The following ADAM10 variants were observed in gnomAD, a reference collection of about 807,000 sequenced individuals.
ADAM10 encodes the protein disintegrin and metalloproteinase domain-containing protein 10.
Under a neutral mutation model 90.1 loss-of-function variants are expected in ADAM10, and 17 were observed. That is an observed-to-expected ratio of 0.19 (90% CI 0.13 to 0.28). ADAM10 has a LOEUF of 0.28. ADAM10 is among the 10% of genes least tolerant of loss of function. The probability of loss-of-function intolerance (pLI) is 1.00; values close to 1 mark genes in which losing one functional copy is unlikely to be tolerated. For synonymous variants in ADAM10, 310 were observed against 298.6 expected (o/e 1.04, Z -0.40); for missense variants, 610 against 914.3 (o/e 0.67, Z 4.29).
At chr15:58,728,229 T>A (rs1342396199) in intron 1 of ADAM10, among the ~76,000 whole-genome samples, 1 of 152,170 alleles carries the variant, frequency 6.6e-6, no homozygotes, top group Non-Finnish European at 1.5e-5. Flanking sequence ...AAGTAGTTCA[T>A]GGGTCAAAGA....
At chr15:58,734,276 T>A (rs1359834321) in intron 1 of ADAM10, among the ~76,000 whole-genome samples, 1 of 152,170 alleles carries the variant, frequency 6.6e-6, no homozygotes, top group African/African-American at 2.4e-5. Flanking sequence ...GCTCTACATT[T>A]TTTTCATTTA....
intron 1 of ADAM10, among the ~76,000 whole-genome samples, chr15:58,738,135 A>T (rs1321102283): frequency 1.1e-4 from 17 of 152,232 alleles, no homozygotes; most frequent in African/African-American, 2.9e-4. Context: ...CTTGTTTTCA[A>T]CAGACTTTTC....
chr15:58,621,711 G>C lies in ADAM10; in HGVS notation c.1361-90C>G. ...AAATTCTTTAGATCATCATAACAAA[G>C]GGATAAAGGAAAACTTTGATGAATA... On this transcript the variant is annotated intron_variant, in intron 10 of 15. Coordinates refer to ENST00000260408, the MANE Select transcript of ADAM10 (RefSeq NM_001110.4). 3.3e-6 allele frequency: 5 copies of C among 1,508,326 alleles called. No homozygotes were observed. The South Asian group carries it at 5.7e-5, about 17-fold the overall frequency. 93.4% of individuals were successfully genotyped at this position (1,508,326 alleles called of 1,614,324 possible). A position where few individuals can be genotyped will look rare whatever the true frequency, so the allele number is the denominator to read the frequency against.
chr15:58,666,557 G>A lies in ADAM10; in HGVS notation c.485-1360C>T, dbSNP rs561320430. 2.5e-4 allele frequency among the ~76,000 whole-genome samples: 38 copies of A among 151,924 alleles called. 1 individual carries two copies. Among genetic ancestry groups the A allele is most frequent in the Non-Finnish European group, 2.9e-4 (20 of 67,982 alleles). On this transcript the variant is annotated intron_variant, in intron 4 of 15. Coordinates refer to ENST00000260408, the MANE Select transcript of ADAM10 (RefSeq NM_001110.4). Reference sequence around the variant, plus strand: ...AACTGACCATGCAAGCTGAAACTATGCAAAATGATCTTAATAATCAATGGG... The same window carrying A: ...AACTGACCATGCAAGCTGAAACTATACAAAATGATCTTAATAATCAATGGG...
rs532901550 is a variant in ADAM10, at chr15:58,671,960, G to C, written c.485-6763C>G. 6.0e-4 allele frequency among the ~76,000 whole-genome samples: 91 copies of C among 152,050 alleles called. 2 individuals carry two copies. In the Middle Eastern group the frequency reaches 0.014, roughly 23 times the overall value. On this transcript the variant is annotated intron_variant, in intron 4 of 15. Coordinates refer to ENST00000260408, the MANE Select transcript of ADAM10 (RefSeq NM_001110.4). ...CATGGATCCATGTCATACTGCACAA[G>C]TTTTATAACTCTAGACTTCAGTTTC...
intron 1 of ADAM10, among the ~76,000 whole-genome samples, chr15:58,743,926 A>G (rs1426200704): frequency 6.6e-6 from 1 of 152,116 alleles, no homozygotes; most frequent in African/African-American, 2.4e-5. Context: ...TTCTTAATTC[A>G]CAATTTCTAT....
chr15:58,626,881 A>T (rs1045212592), intron 10 of ADAM10, among the ~76,000 whole-genome samples: 8 of 152,172 alleles, frequency 5.3e-5, no homozygotes, highest in African/African-American at 1.9e-4. Flanking sequence ...TGAAGAGTGA[A>T]TGTAATTGAT....
At chr15:58,625,895 G>C (rs1206592394) in intron 10 of ADAM10, among the ~76,000 whole-genome samples, 1 of 152,126 alleles carries the variant, frequency 6.6e-6, no homozygotes, top group African/African-American at 2.4e-5. Context: ...GTGAGAAAAG[G>C]CAATTCCAAA....
chr15:58,602,592 G>A (rs1245863081), intron 14 of ADAM10, among the ~76,000 whole-genome samples: 1 of 151,942 alleles, frequency 6.6e-6, no homozygotes, highest in Non-Finnish European at 1.5e-5. Context: ...AATAAAAAAG[G>A]GAAAGAGATA....
At chr15:58,630,704 C>A (rs1477892488) in intron 9 of ADAM10, among the ~76,000 whole-genome samples, 1 of 152,044 alleles carries the variant, frequency 6.6e-6, no homozygotes, top group East Asian at 1.9e-4. Flanking sequence ...GTGAACCACT[C>A]AGAAAAAGTA....
At chr15:58,629,295 A>G (rs946255281) in intron 9 of ADAM10, 3 of 152,246 alleles carry the variant, frequency 2.0e-5, no homozygotes, top group Non-Finnish European at 2.9e-5. Flanking sequence ...AAATCTTGAC[A>G]TAACTGCTTA....
At chr15:58,647,043 C>T (rs2140697596) in intron 5 of ADAM10, among the ~76,000 whole-genome samples, 1 of 152,186 alleles carries the variant, frequency 6.6e-6, no homozygotes, top group Non-Finnish European at 1.5e-5. Context: ...GTCAATTCAT[C>T]CATTATACCA....
chr15:58,620,283 T>C (rs915526894), intron 11 of ADAM10, among the ~76,000 whole-genome samples: 13 of 151,856 alleles, frequency 8.6e-5, no homozygotes, highest in Non-Finnish European at 1.5e-4. Flanking sequence ...TTGGCCAACA[T>C]AGTGAAACCC....
intron 1 of ADAM10, among the ~76,000 whole-genome samples, chr15:58,744,249 T>C (rs1281763235): frequency 3.7e-5 from 5 of 136,238 alleles, no homozygotes; most frequent in Non-Finnish European, 7.8e-5. Context: ...AGGTGAGGGG[T>C]AGGGGTGGGG....
At chr15:58,713,408 T>G (rs1898539599) in intron 2 of ADAM10, among the ~76,000 whole-genome samples, 1 of 152,002 alleles carries the variant, frequency 6.6e-6, no homozygotes, top group South Asian at 2.1e-4. Context: ...GTCCAGCAAT[T>G]CACTCACTCA....
Position 58,717,566 on chromosome 15 carries a change from A to C in ADAM10, c.206+11T>G. The C allele has an allele frequency of 6.2e-7, 1 of 1,613,790 alleles. No homozygotes were observed. Among genetic ancestry groups the C allele is most frequent in the South Asian group, 1.1e-5 (1 of 91,078 alleles). On this transcript the variant is annotated intron_variant, in intron 2 of 15. Transcript: ENST00000260408. ...GGAACTTCAGACACAGTCAGCAATA[A>C]ATTTACTTACCTTCCATGGGCATGG... is the stretch of plus-strand genomic sequence containing the variant.
chr15:58,688,517 T>G (rs1897672671), intron 2 of ADAM10, among the ~76,000 whole-genome samples: 1 of 148,944 alleles, frequency 6.7e-6, no homozygotes, highest in Admixed American at 6.7e-5. Flanking sequence ...AGAAAATTAG[T>G]CCCCCCCAAA....
intron 4 of ADAM10, among the ~76,000 whole-genome samples, chr15:58,666,940 TC>T: frequency 6.6e-6 from 1 of 152,266 alleles, no homozygotes; most frequent in South Asian, 2.1e-4. Context: ...TTTCAAAATT[TC>T]TAAAAGATGC....
rs113233771 is a variant in ADAM10, at chr15:58,692,558, C to T, written c.207-10244G>A. The stretch of plus-strand genomic sequence containing the variant: ...TTCTCTGGTTCCTTCTCCAAATAAA[C>T]GGCGATAAGACAGCCTATGAACTGA... On this transcript the variant is annotated intron_variant, in intron 2 of 15. Transcript: ENST00000260408. The T allele has an allele frequency of 8.2e-4, 447 of 543,162 alleles. 3 individuals carry two copies. Among genetic ancestry groups the T allele is most frequent in the African/African-American group, 5.5e-3 (284 of 51,972 alleles). The allele number at this position is 543,162 out of a possible 1,614,324, so 33.6% of individuals were successfully genotyped here.
Sources: gnomAD v4.1 joint callset for allele counts (sites outside exome capture counted in the v4.1 genomes callset) on GRCh38, gnomAD v4.1.1 for gene constraint, MANE v1.5 for transcripts, NCBI Gene and HGNC (gene_info 2026-07-23, HGNC 2026-07-21) for gene names.